SGMS1: variants seen among roughly 807,000 people sequenced by gnomAD.
SGMS1 encodes sphingomyelin synthase 1.
In SGMS1, 13 loss-of-function variants were observed where a neutral mutation model predicts 46.2. The observed-to-expected ratio is 0.28, with a 90% CI of 0.18 to 0.45. The LOEUF is 0.45. Ranked by LOEUF, SGMS1 falls within the 20% of genes least tolerant of loss-of-function variation. SGMS1 has a pLI of 1.00. For synonymous variants in SGMS1, 203 were observed against 187.8 expected (o/e 1.08, Z -0.66); for missense variants, 324 against 519.9 (o/e 0.62, Z 3.66).
At chr10:50,585,855 C>T (rs556792646) in intron 2 of SGMS1, among the ~76,000 whole-genome samples, 101 of 152,318 alleles carry the variant, frequency 6.6e-4, no homozygotes, top group African/African-American at 2.2e-3. Context: ...TGGATGAATA[C>T]ATGAATGAGA....
At chr10:50,490,990 T>C (rs78968752) in intron 3 of SGMS1, among the ~76,000 whole-genome samples, 1 of 152,146 alleles carries the variant, frequency 6.6e-6, no homozygotes, top group Non-Finnish European at 1.5e-5. Flanking sequence ...ATTAGTGATA[T>C]TAATTGATAT....
chr10:50,527,720 G>T (rs1837916641), intron 2 of SGMS1, among the ~76,000 whole-genome samples: 1 of 152,140 alleles, frequency 6.6e-6, no homozygotes, highest in African/African-American at 2.4e-5. Context: ...ACAAAATGAT[G>T]TGTTTAAGCA....
chr10:50,603,534 AAC>A (rs997209163), intron 1 of SGMS1, among the ~76,000 whole-genome samples: 5 of 152,190 alleles, frequency 3.3e-5, no homozygotes, highest in Admixed American at 3.3e-4. Flanking sequence ...AAATTTAAAA[AAC>A]ACACACACAC....
At chr10:50,348,265 C>A (rs1420586616) in intron 6 of SGMS1, among the ~76,000 whole-genome samples, 1 of 152,166 alleles carries the variant, frequency 6.6e-6, no homozygotes, top group Non-Finnish European at 1.5e-5. Context: ...GACAAGGATG[C>A]CCTCTCTCAC....
intron 6 of SGMS1, among the ~76,000 whole-genome samples, chr10:50,353,566 A>G (rs990820231): frequency 9.4e-4 from 143 of 152,394 alleles, no homozygotes; most frequent in African/African-American, 3.0e-3. Context: ...CCTATTCAAC[A>G]TAGTGTTGGA....
intron 6 of SGMS1, among the ~76,000 whole-genome samples, chr10:50,379,900 G>A (rs1384665806): frequency 6.6e-6 from 1 of 152,120 alleles, no homozygotes; most frequent in Non-Finnish European, 1.5e-5. Context: ...AAACAGAAGA[G>A]AACAGAGCTC....
chr10:50,407,687 T>G (rs1184913055), intron 6 of SGMS1, among the ~76,000 whole-genome samples: 1 of 152,022 alleles, frequency 6.6e-6, no homozygotes, highest in South Asian at 2.1e-4. Context: ...TACAATAGAA[T>G]GGGTGCCTAT....
intron 8 of SGMS1, among the ~76,000 whole-genome samples, chr10:50,316,093 T>C (rs775628775): frequency 2.6e-5 from 4 of 152,228 alleles, no homozygotes; most frequent in East Asian, 1.9e-4. Context: ...ATCATTCAGT[T>C]TGCAGATGGC....
chr10:50,320,411 G>A (rs1008966344), intron 8 of SGMS1, among the ~76,000 whole-genome samples: 50 of 152,080 alleles, frequency 3.3e-4, no homozygotes, highest in African/African-American at 1.1e-3. Context: ...ATTTGAATTC[G>A]TATCTGGCAC....
At chr10:50,561,032 C>G (rs775832906) in intron 2 of SGMS1, among the ~76,000 whole-genome samples, 10 of 152,140 alleles carry the variant, frequency 6.6e-5, no homozygotes, top group Admixed American at 6.5e-4. Flanking sequence ...AATATTAGTG[C>G]TTATATTGGC....
intron 6 of SGMS1, among the ~76,000 whole-genome samples, chr10:50,380,008 C>T (rs1848578460): frequency 1.3e-5 from 2 of 152,128 alleles, no homozygotes; most frequent in South Asian, 2.1e-4. Context: ...ACCTATATCT[C>T]GGTCACCAAA....
intron 2 of SGMS1, among the ~76,000 whole-genome samples, chr10:50,557,156 T>C (rs928772485): frequency 6.6e-6 from 1 of 152,234 alleles, no homozygotes; most frequent in Non-Finnish European, 1.5e-5. Context: ...TTCCAGTGCT[T>C]GAATATTCAC....
chr10:50,384,414 C>G (rs1052570842), intron 6 of SGMS1, among the ~76,000 whole-genome samples: 1 of 151,052 alleles, frequency 6.6e-6, no homozygotes, highest in Non-Finnish European at 1.5e-5. Flanking sequence ...TTCCTTCCTT[C>G]TTTCTCCTTT....
At chr10:50,455,985 G>A (rs1837186392) in intron 5 of SGMS1, among the ~76,000 whole-genome samples, 1 of 152,100 alleles carries the variant, frequency 6.6e-6, no homozygotes, top group Non-Finnish European at 1.5e-5. Flanking sequence ...TATCATAAAA[G>A]CAGGCTAATC....
chr10:50,544,376 A>G (rs1037503450), intron 2 of SGMS1, among the ~76,000 whole-genome samples: 1 of 152,192 alleles, frequency 6.6e-6, no homozygotes, highest in Admixed American at 6.5e-5. Flanking sequence ...TAAACAAGGC[A>G]TTCCTGCATG....
At chr10:50,407,661 G>T (rs553402700) in intron 6 of SGMS1, among the ~76,000 whole-genome samples, 2 of 152,044 alleles carry the variant, frequency 1.3e-5, no homozygotes, top group East Asian at 1.9e-4. Flanking sequence ...CCCCTGCTAA[G>T]CTCTGACTAA....
intron 3 of SGMS1, among the ~76,000 whole-genome samples, chr10:50,483,076 T>C (rs1837490883): frequency 6.6e-6 from 1 of 151,818 alleles, no homozygotes; most frequent in Admixed American, 6.6e-5. Context: ...TTTTGAGGGG[T>C]TTTTTGTTTT....
chr10:50,502,753 C>G (rs886111325), intron 3 of SGMS1, among the ~76,000 whole-genome samples: 1 of 152,090 alleles, frequency 6.6e-6, no homozygotes, highest in African/African-American at 2.4e-5. Flanking sequence ...GACCTCACAG[C>G]CTTTTTCTAA....
At chr10:50,436,129 T>C (rs1849470917) in intron 5 of SGMS1, among the ~76,000 whole-genome samples, 1 of 151,972 alleles carries the variant, frequency 6.6e-6, no homozygotes, top group East Asian at 1.9e-4. Context: ...TTTTGAGACA[T>C]AGTCTCGCTC....
Sources: gnomAD v4.1 joint callset for allele counts (sites outside exome capture counted in the v4.1 genomes callset) on GRCh38, gnomAD v4.1.1 for gene constraint, MANE v1.5 for transcripts, NCBI Gene and HGNC (gene_info 2026-07-23, HGNC 2026-07-21) for gene names.